RGS10: variants seen among roughly 807,000 people sequenced by gnomAD.
The protein encoded by RGS10 is regulator of G protein signaling 10.
A neutral mutation model predicts 23.5 loss-of-function variants in RGS10; 11 were observed. The ratio of observed to expected loss-of-function variants is 0.47; its 90% confidence interval spans 0.29 to 0.77. RGS10 has a LOEUF of 0.77. Among genes scored for constraint, RGS10 ranks in the 30% least tolerant of loss-of-function variants. The pLI, the probability that RGS10 is intolerant of heterozygous loss-of-function variation, is 0.08. For synonymous variants in RGS10, 77 were observed against 83.2 expected (o/e 0.92, Z 0.41); for missense variants, 180 against 226.3 (o/e 0.80, Z 1.31).
chr10:119,531,575 G>C (rs1844330106), intron 1 of RGS10, among the ~76,000 whole-genome samples: 1 of 152,074 alleles, frequency 6.6e-6, no homozygotes, highest in South Asian at 2.1e-4. Context: ...GTTCAAATGT[G>C]TTTTCATTTG....
chr10:119,520,579 G>A (rs994559973), intron 3 of RGS10, among the ~76,000 whole-genome samples: 7 of 152,086 alleles, frequency 4.6e-5, no homozygotes, highest in Admixed American at 1.3e-4. Context: ...CACAGAGGAC[G>A]GCAAGAATGA....
intron 3 of RGS10, among the ~76,000 whole-genome samples, chr10:119,520,108 G>A (rs372038409): frequency 7.2e-5 from 11 of 152,028 alleles, no homozygotes; most frequent in Admixed American, 2.6e-4. Flanking sequence ...TCTCCACCCC[G>A]TCTTCTTCCA....
At chr10:119,528,207 T>A (rs1350133922) in intron 1 of RGS10, among the ~76,000 whole-genome samples, 1 of 152,038 alleles carries the variant, frequency 6.6e-6, no homozygotes, top group Non-Finnish European at 1.5e-5. Flanking sequence ...ATTTTTGTAT[T>A]CTTAATAGAG....
At chr10:119,536,534 T>C in intron 1 of RGS10, 1 of 1,598,896 alleles carries the variant, frequency 6.3e-7, no homozygotes, top group East Asian at 2.3e-5. Flanking sequence ...CAGAGACGCC[T>C]TGTGTGAGAA....
At chr10:119,522,880 T>TC (rs1844234264) in intron 3 of RGS10, among the ~76,000 whole-genome samples, 1 of 122,134 alleles carries the variant, frequency 8.2e-6, no homozygotes, top group Non-Finnish European at 2.0e-5. Flanking sequence ...GGCTCTGAAT[T>TC]CTTTTTTTTT....
chr10:119,514,510 T>C (rs1005661532), intron 4 of RGS10, among the ~76,000 whole-genome samples: 4 of 151,354 alleles, frequency 2.6e-5, no homozygotes, highest in Non-Finnish European at 5.9e-5. Flanking sequence ...ATACAAAAAT[T>C]AACTGTGTGT....
At position 119,524,365 on chromosome 10, in the gene RGS10, C is replaced by T. The variant is rs953296163; in HGVS notation, c.255+1667G>A. On this transcript the variant is annotated intron_variant, in intron 3 of 4. Coordinates refer to ENST00000369103, the MANE Select transcript of RGS10 (RefSeq NM_001005339.2). This position sits in a 1 kb window ranked among gnomAD's most constrained non-coding sequence, Gnocchi z 5.2. ...TTCAAGTCCTAGCTCTGCCACGGTG[C>T]GGGGACCTCACTTCCTTGTCTACAC... Among the ~76,000 whole-genome samples the T allele has an allele frequency of 1.3e-5, 2 of 152,136 alleles. No individual in the cohort carries two copies. The highest frequency in any genetic ancestry group is 2.4e-5 in the African/African-American group (1 of 41,450).
intron 1 of RGS10, among the ~76,000 whole-genome samples, chr10:119,542,192 G>C (rs1844440966): frequency 6.6e-6 from 1 of 152,204 alleles, no homozygotes; most frequent in Admixed American, 6.5e-5. Context: ...CCGGGCGCTC[G>C]GCATCCTTCC....
intron 4 of RGS10, among the ~76,000 whole-genome samples, chr10:119,503,723 C>A (rs1843978117): frequency 6.6e-6 from 1 of 152,194 alleles, no homozygotes; most frequent in Admixed American, 6.5e-5. Context: ...TTGGTTTCTC[C>A]TGAGGCCGCT....
At chr10:119,529,791 TTTTAA>T (rs1348135203) in intron 1 of RGS10, among the ~76,000 whole-genome samples, 1 of 152,166 alleles carries the variant, frequency 6.6e-6, no homozygotes, top group Non-Finnish European at 1.5e-5. Context: ...GAAAATAAAC[TTTTAA>T]TTAAGAAATC....
chr10:119,534,678 C>T (rs1345489055), intron 1 of RGS10, among the ~76,000 whole-genome samples: 1 of 149,634 alleles, frequency 6.7e-6, no homozygotes, highest in Non-Finnish European at 1.5e-5. Context: ...ATCACGAGGT[C>T]AAGAGATCGA....
At chr10:119,508,547 A>G (rs561590299) in intron 4 of RGS10, among the ~76,000 whole-genome samples, 1 of 152,350 alleles carries the variant, frequency 6.6e-6, no homozygotes, top group East Asian at 1.9e-4. Flanking sequence ...GGGCTAAGAA[A>G]TGTGCCAGAG....
chr10:119,504,821 G>A (rs570017296), intron 4 of RGS10, among the ~76,000 whole-genome samples: 1 of 152,284 alleles, frequency 6.6e-6, no homozygotes, highest in East Asian at 1.9e-4. Context: ...GAAGGGGCAA[G>A]TAAGCACCCC....
At chr10:119,536,393 C>A in intron 1 of RGS10, 11 of 1,428,140 alleles carry the variant, frequency 7.7e-6, no homozygotes, top group Non-Finnish European at 1.1e-5. Flanking sequence ...CTCTTCCCAG[C>A]CCCTGCCCCG....
At chr10:119,526,256 C>T (rs1844271974) in intron 2 of RGS10, 138 bp from the exon 3 acceptor site, 2 of 474,004 alleles carry the variant, frequency 4.2e-6, no homozygotes, top group African/African-American at 2.0e-5. Context: ...AAACCCCACT[C>T]TGAAAAACAA....
rs966640720 is a variant in RGS10, at chr10:119,527,911, T to C, written c.50-487A>G. Among the ~76,000 whole-genome samples, 4 of 152,182 alleles carry C rather than the reference T, an allele frequency of 2.6e-5. No homozygotes were observed. The highest frequency in any genetic ancestry group is 4.4e-5 in the Non-Finnish European group (3 of 68,042). On this transcript the variant is annotated intron_variant, in intron 1 of 4. Coordinates refer to ENST00000369103, the MANE Select transcript of RGS10 (RefSeq NM_001005339.2). The surrounding 1 kb of genome is among the most constrained non-coding windows in gnomAD (Gnocchi z 4.2). ...CTTGTATCTCCAGCACCTAGCTCATTATCTGGCACAGAGATTAAAAAACTC... is the reference window on the plus strand; with the variant it reads ...CTTGTATCTCCAGCACCTAGCTCATCATCTGGCACAGAGATTAAAAAACTC...
rs1044178853 is a variant in RGS10, at chr10:119,524,673, T to C, written c.255+1359A>G. 6.6e-6 allele frequency among the ~76,000 whole-genome samples: 1 copy of C among 152,036 alleles called. No individual in the cohort carries two copies. Among genetic ancestry groups the C allele is most frequent in the African/African-American group, 2.4e-5 (1 of 41,368 alleles). On this transcript the variant is annotated intron_variant, in intron 3 of 4. Transcript: ENST00000369103. This position sits in a 1 kb window ranked among gnomAD's most constrained non-coding sequence, Gnocchi z 5.2. ...CCACCACCTGCTTCTCACTTTCCCC[T>C]GGGGCCCCTCTCTGCCCAGGAGGCT...
In RGS10 at chr10:119,527,933, A is replaced by G. The variant is rs1490960043; in HGVS notation, c.50-509T>C. ...CATTATCTGGCACAGAGATTAAAAA[A>G]CTCATTGCAGGACGGGACCCACGTG... is the stretch of plus-strand genomic sequence containing the variant. On this transcript the variant is annotated intron_variant, in intron 1 of 4. Transcript: ENST00000369103. This position sits in a 1 kb window ranked among gnomAD's most constrained non-coding sequence, Gnocchi z 4.2. Among the ~76,000 whole-genome samples the G allele has an allele frequency of 6.6e-6, 1 of 151,604 alleles. No homozygotes were observed. Among genetic ancestry groups the G allele is most frequent in the Non-Finnish European group, 1.5e-5 (1 of 67,944 alleles).
At position 119,527,244 on chromosome 10, in the gene RGS10, TG is replaced by T. The variant is rs1757008763; in HGVS notation, c.168+61del. 2 of 1,206,868 alleles carry T rather than the reference TG, an allele frequency of 1.7e-6. No individual in the cohort carries two copies. Among genetic ancestry groups the T allele is most frequent in the Non-Finnish European group, 2.4e-6 (2 of 822,440 alleles). 74.8% of individuals were successfully genotyped at this position (1,206,868 alleles called of 1,614,324 possible). On this transcript the variant is annotated intron_variant, in intron 2 of 4. Transcript: ENST00000369103. The surrounding 1 kb of genome is among the most constrained non-coding windows in gnomAD (Gnocchi z 4.2). ...ATGTTGAACTGGCCTATTTCTCCCC[TG>T]TGTGCATCTGAACTTCTGCACACAC...
Sources: gnomAD v4.1 joint callset for allele counts (sites outside exome capture counted in the v4.1 genomes callset) on GRCh38, gnomAD v4.1.1 for gene constraint, Gnocchi (gnomAD v3.1) non-coding constraint, MANE v1.5 for transcripts, NCBI Gene and HGNC (gene_info 2026-07-23, HGNC 2026-07-21) for gene names.